Variants in DIS3L2 observed in about 807,000 individuals in gnomAD.
The protein encoded by DIS3L2 is DIS3-like exonuclease 2.
A neutral mutation model predicts 97.5 loss-of-function variants in DIS3L2; 34 were observed. The ratio of observed to expected loss-of-function variants is 0.35; its 90% CI spans 0.27 to 0.46. The LOEUF is 0.46. Among genes scored for constraint, DIS3L2 ranks in the 20% least tolerant of loss-of-function variants. The pLI is 1.00. For missense variants in DIS3L2, 1,038 were observed against 1,146.0 expected (o/e 0.91, Z 1.36); for synonymous variants, 435 against 445.2 (o/e 0.98, Z 0.29).
intron 1 of DIS3L2, among the ~76,000 whole-genome samples, chr2:231,964,046 C>T (rs1221442081): frequency 6.6e-6 from 1 of 152,170 alleles, no homozygotes; most frequent in African/African-American, 2.4e-5. Context: ...ATCTTTAACC[C>T]ATTATGTATA....
At chr2:232,198,941 C>T (rs1691825486) in intron 9 of DIS3L2, among the ~76,000 whole-genome samples, 1 of 152,186 alleles carries the variant, frequency 6.6e-6, no homozygotes, top group Admixed American at 6.5e-5. Context: ...TTCAGTGCCC[C>T]TTACTGTATT....
At chr2:232,120,612 C>A (rs563761618) in intron 6 of DIS3L2, among the ~76,000 whole-genome samples, 1 of 152,198 alleles carries the variant, frequency 6.6e-6, no homozygotes, top group Non-Finnish European at 1.5e-5. Flanking sequence ...GGATGTCATT[C>A]GCTTTCAGGC....
intron 13 of DIS3L2, among the ~76,000 whole-genome samples, chr2:232,294,645 C>T (rs933412354): frequency 6.6e-6 from 1 of 152,148 alleles, no homozygotes; most frequent in Non-Finnish European, 1.5e-5. Flanking sequence ...TGGCCTCAGC[C>T]CCTTCAACTC....
intron 1 of DIS3L2, among the ~76,000 whole-genome samples, chr2:232,005,776 T>A (rs1415263571): frequency 6.6e-6 from 1 of 152,204 alleles, no homozygotes; most frequent in African/African-American, 2.4e-5. Context: ...CTTTCCCAAC[T>A]TACTATTTTC....
intron 6 of DIS3L2, among the ~76,000 whole-genome samples, chr2:232,095,789 GTC>G (rs928150006): frequency 2.0e-5 from 3 of 152,168 alleles, no homozygotes; most frequent in Admixed American, 6.5e-5. Context: ...GTCTGGGAAA[GTC>G]TTTATTTCTC....
intron 1 of DIS3L2, among the ~76,000 whole-genome samples, chr2:231,991,996 A>G (rs947048872): frequency 1.3e-5 from 2 of 152,198 alleles, no homozygotes; most frequent in African/African-American, 4.8e-5. Context: ...TGAAATTGTT[A>G]AGGACCTTAT....
At chr2:232,198,866 G>C (rs3116196) in intron 9 of DIS3L2, 83,962 of 152,090 alleles carry the variant, frequency 0.55, 26,272 homozygotes, top group East Asian at 0.82. Context: ...TTTGAGTCGT[G>C]TTCACATGCT....
intron 10 of DIS3L2, among the ~76,000 whole-genome samples, chr2:232,231,015 C>G (rs1387420255): frequency 6.6e-6 from 1 of 152,196 alleles, no homozygotes; most frequent in Non-Finnish European, 1.5e-5. Flanking sequence ...TCTGTTTCCT[C>G]ATAGACACCT....
chr2:231,994,062 G>C (rs114135704), intron 1 of DIS3L2, among the ~76,000 whole-genome samples: 524 of 148,538 alleles, frequency 3.5e-3, no homozygotes, highest in African/African-American at 0.012. Flanking sequence ...TGAGGCAAAG[G>C]TCAAGATTTT....
At position 232,325,903 on chromosome 2, in the gene DIS3L2, G is replaced by A. The variant is rs1325491357; in HGVS notation, c.1740-3910G>A. Among the ~76,000 whole-genome samples, 2 of 152,232 alleles carry A rather than the reference G, an allele frequency of 1.3e-5. No homozygotes were observed. Among genetic ancestry groups the A allele is most frequent in the African/African-American group, 4.8e-5 (2 of 41,466 alleles). On this transcript the variant is annotated intron_variant, in intron 14 of 20. Coordinates refer to ENST00000325385, the MANE Select transcript of DIS3L2 (RefSeq NM_152383.5). The surrounding 1 kb of genome is among the most constrained non-coding windows in gnomAD (Gnocchi z 4.6). ...GGAGGAAGGTATGAGGCCAGGGCAG[G>A]GGGCAGGGCGCCCTCCCGTCCAGCA...
chr2:232,042,991 CT>C (rs1695150826), intron 5 of DIS3L2, among the ~76,000 whole-genome samples: 3 of 152,198 alleles, frequency 2.0e-5, no homozygotes, highest in Admixed American at 1.3e-4. Context: ...TTCAGATTTA[CT>C]TTTTCTAGCT....
intron 1 of DIS3L2, among the ~76,000 whole-genome samples, chr2:231,995,325 G>T (rs1263667546): frequency 6.6e-6 from 1 of 152,104 alleles, no homozygotes; most frequent in Non-Finnish European, 1.5e-5. Flanking sequence ...ATCACTTTAA[G>T]TTCGTTTCTA....
Position 232,214,511 on chromosome 2 carries a change from G to C in DIS3L2, c.1204+4106G>C, listed in dbSNP as rs557961688. Among the ~76,000 whole-genome samples the C allele has an allele frequency of 7.9e-5, 12 of 152,174 alleles. No homozygotes were observed. The South Asian group carries it at 2.1e-3, about 26-fold the overall frequency. On this transcript the variant is annotated intron_variant, in intron 10 of 20. Coordinates refer to ENST00000325385, the MANE Select transcript of DIS3L2 (RefSeq NM_152383.5). ...AGATAACAGTTATCATGTGTCTTCTGAGTCAAAAATTCTCAACTTAGCATC... is the reference window on the plus strand; with the variant it reads ...AGATAACAGTTATCATGTGTCTTCTCAGTCAAAAATTCTCAACTTAGCATC...
intron 8 of DIS3L2, among the ~76,000 whole-genome samples, chr2:232,144,879 A>G (rs3116174): frequency 0.94 from 142,569 of 152,280 alleles, 66,851 homozygotes; most frequent in East Asian, 1. Context: ...TGATTAGATC[A>G]AGATTAGACA....
chr2:232,003,667 A>T (rs996493789), intron 1 of DIS3L2, among the ~76,000 whole-genome samples: 1 of 152,092 alleles, frequency 6.6e-6, no homozygotes, highest in African/African-American at 2.4e-5. Context: ...TATCTGAAAA[A>T]TGTCTTTGTT....
At chr2:232,117,185 G>A (rs891443968) in intron 6 of DIS3L2, among the ~76,000 whole-genome samples, 7 of 152,152 alleles carry the variant, frequency 4.6e-5, no homozygotes, top group African/African-American at 1.7e-4. Context: ...CGACCCTGGT[G>A]TAGTGGGGCC....
intron 10 of DIS3L2, among the ~76,000 whole-genome samples, chr2:232,216,354 T>C (rs947677659): frequency 6.6e-6 from 1 of 152,236 alleles, no homozygotes; most frequent in African/African-American, 2.4e-5. Flanking sequence ...TGTGGGCTTT[T>C]CTTCTCCAGT....
intron 13 of DIS3L2, among the ~76,000 whole-genome samples, chr2:232,295,274 A>T (rs1037302657): frequency 4.0e-5 from 6 of 151,016 alleles, no homozygotes; most frequent in African/African-American, 1.5e-4. Flanking sequence ...CTTTCCTCAA[A>T]CTCCTTCCCC....
intron 6 of DIS3L2, among the ~76,000 whole-genome samples, chr2:232,122,143 A>G (rs1409632085): frequency 1.3e-5 from 2 of 152,188 alleles, no homozygotes; most frequent in Admixed American, 1.3e-4. Context: ...CTATCTATGT[A>G]GTACCTTCTC....
Sources: allele counts gnomAD v4.1 joint callset (sites outside exome capture counted in the v4.1 genomes callset), GRCh38; gene constraint gnomAD v4.1.1; non-coding constraint Gnocchi (gnomAD v3.1); transcripts MANE v1.5; gene names NCBI Gene and HGNC (gene_info 2026-07-23, HGNC 2026-07-21).